Variants in TMC5 observed in about 807,000 individuals in gnomAD.
TMC5 encodes the protein transmembrane channel like 5, also known as transmembrane channel-like protein 5.
In TMC5, 86 loss-of-function variants were observed where a neutral mutation model predicts 110.5. That is an observed-to-expected ratio of 0.78 (90% CI 0.65 to 0.93). The LOEUF (loss-of-function observed/expected upper bound fraction) is 0.93. Among genes scored for constraint, TMC5 ranks in the 40% least tolerant of loss-of-function variants. The pLI, the probability that TMC5 is intolerant of heterozygous loss-of-function variation, is 0.00. For missense variants in TMC5, 1,144 were observed against 1,222.8 expected (o/e 0.94, Z 0.96); for synonymous variants, 455 against 439.5 (o/e 1.04, Z -0.44).
chr16:19,421,806 C>A (rs903195205), intron 1 of TMC5, among the ~76,000 whole-genome samples: 4 of 152,188 alleles, frequency 2.6e-5, no homozygotes, highest in African/African-American at 9.7e-5. Flanking sequence ...AAAATTTGAG[C>A]CAGGTGTGGT....
rs56178955 is a variant in TMC5, at chr16:19,495,011, C to CTTTTTTTTTTT, written c.2931+656_2931+666dup. Among the ~76,000 whole-genome samples, 7 of 40,486 alleles carry CTTTTTTTTTTT rather than the reference C, an allele frequency of 1.7e-4. 2 individuals carry two copies. Among genetic ancestry groups the CTTTTTTTTTTT allele is most frequent in the African/African-American group, 4.7e-4 (5 of 10,740 alleles). The allele number at this position is 40,486 out of a possible 152,430, so 26.6% of individuals were successfully genotyped here. On this transcript the variant is annotated intron_variant, in intron 20 of 21. Transcript: ENST00000542583. ...CACTATGAATACTTCAGTGTCTATTCTTTTTTTTTTTTTTTTTTTTTGAGA... is the reference window on the plus strand; with the variant it reads ...CACTATGAATACTTCAGTGTCTATTCTTTTTTTTTTTTTTTTTTTTTTTTTTTTTTTTGAGA...
At position 19,456,331 on chromosome 16, in the gene TMC5, TA is replaced by T. The variant is rs371295021; in HGVS notation, c.1049-3895del. ...GTTCTAGGCCAGAGGCACTAAATTA[TA>T]AAAAAAAATCTTGCCCTTTGACTAT... On this transcript the variant is annotated intron_variant, in intron 5 of 21. Transcript: ENST00000542583. 2.2e-3 allele frequency: 604 copies of T among 277,234 alleles called. 3 individuals are homozygous for T. Among genetic ancestry groups the T allele is most frequent in the African/African-American group, 0.011 (484 of 43,364 alleles). The allele number at this position is 277,234 out of a possible 1,614,324, so 17.2% of individuals were successfully genotyped here. A position where few individuals can be genotyped will look rare whatever the true frequency, so the allele number is the denominator to read the frequency against.
At chr16:19,419,714 T>G (rs1396963979) in intron 1 of TMC5, among the ~76,000 whole-genome samples, 1 of 151,738 alleles carries the variant, frequency 6.6e-6, no homozygotes, top group Non-Finnish European at 1.5e-5. Flanking sequence ...GCCGGGCCAC[T>G]AATGTTAAAA....
intron 1 of TMC5, among the ~76,000 whole-genome samples, chr16:19,420,591 G>T (rs1966962266): frequency 6.6e-6 from 1 of 152,098 alleles, no homozygotes; most frequent in African/African-American, 2.4e-5. Context: ...CTCCTGGGTA[G>T]CTGGGACTAA....
intron 13 of TMC5, among the ~76,000 whole-genome samples, chr16:19,477,872 A>G (rs1301428315): frequency 6.6e-6 from 1 of 152,204 alleles, no homozygotes; most frequent in African/African-American, 2.4e-5. Context: ...TTTTAGTGCT[A>G]GTCTGTCCTA....
intron 2 of TMC5, among the ~76,000 whole-genome samples, chr16:19,433,109 G>C (rs1467957880): frequency 1.3e-5 from 2 of 152,112 alleles, no homozygotes; most frequent in Admixed American, 6.5e-5. Flanking sequence ...AAAATGATTT[G>C]TATCAGTCAG....
At position 19,460,261 on chromosome 16, in the gene TMC5, C is replaced by T. The variant is rs747076217; in HGVS notation, c.1075C>T (p.Pro359Ser). Reference sequence around the variant, plus strand: ...ACAGAAGTTAATCGCATCCCTTATACCCATGACATCCAGAGACAGAATTAA... The same window carrying T: ...ACAGAAGTTAATCGCATCCCTTATATCCATGACATCCAGAGACAGAATTAA... The part of the protein sequence containing the change: ...QGQKLIASLI[P>S]MTSRDRIKAI... The change falls in exon 6 of 22, where the codon CCC becomes TCC. Residue 359 changes from proline to serine, a missense_variant. Transcript: ENST00000542583. 14 of 1,613,432 alleles carry T rather than the reference C, an allele frequency of 8.7e-6. No individual in the cohort carries two copies. The highest frequency in any genetic ancestry group is 1.2e-5 in the Non-Finnish European group (14 of 1,179,562).
At chr16:19,465,103 TCCTTCCTTCCTCCCTCCCTCCCTC>T (rs1968150751) in intron 8 of TMC5, among the ~76,000 whole-genome samples, 1 of 94,706 alleles carries the variant, frequency 1.1e-5, no homozygotes, top group Non-Finnish European at 1.9e-5. Flanking sequence ...CTTCCTTCCT[TCCTTCCTTCCTCCCTCCCTCCCTC>T]CCTCCCTTCC....
rs1967251236 is a variant in TMC5 at position 19,434,022 on chromosome 16, ATAAAT to A, written c.-80+3383_-80+3387del. On this transcript the variant is annotated intron_variant, in intron 2 of 21. Transcript: ENST00000542583. ...TATATATTATATATATAATATATATATAAATCTATATATTATATATATAATATATA... is the reference window on the plus strand; with the variant it reads ...TATATATTATATATATAATATATATACTATATATTATATATATAATATATA... 1.5e-3 allele frequency among the ~76,000 whole-genome samples: 10 copies of A among 6,718 alleles called. No individual in the cohort carries two copies. The Admixed American group carries it at 0.017, about 12-fold the overall frequency. The allele number at this position is 6,718 out of a possible 152,430, so 4.4% of individuals were successfully genotyped here.
intron 1 of TMC5, among the ~76,000 whole-genome samples, chr16:19,422,175 G>A (rs1966998592): frequency 1.3e-5 from 2 of 151,354 alleles, no homozygotes; most frequent in South Asian, 4.2e-4. Context: ...AGGTTGCAGT[G>A]AGCCAAGATC....
intron 10 of TMC5, among the ~76,000 whole-genome samples, chr16:19,470,588 A>G (rs1968312408): frequency 6.6e-6 from 1 of 151,914 alleles, no homozygotes; most frequent in African/African-American, 2.4e-5. Flanking sequence ...CTTGGTATCT[A>G]GTGGGTAAGA....
chr16:19,442,950 C>T (rs1307266097), intron 3 of TMC5, among the ~76,000 whole-genome samples: 3 of 152,178 alleles, frequency 2.0e-5, no homozygotes, highest in Non-Finnish European at 4.4e-5. Flanking sequence ...TGCTTTTCAT[C>T]GTCCATGGGT....
At chr16:19,475,561 T>C (rs770221987) in intron 12 of TMC5, among the ~76,000 whole-genome samples, 57 of 152,306 alleles carry the variant, frequency 3.7e-4, no homozygotes, top group Middle Eastern at 3.4e-3. Flanking sequence ...CCATCCTTCC[T>C]GCTCACTGCC....
At chr16:19,415,300 C>T (rs991678465), upstream of TMC5, among the ~76,000 whole-genome samples, 21 of 152,110 alleles carry the variant, frequency 1.4e-4, no homozygotes, top group Non-Finnish European at 2.5e-4. Flanking sequence ...CAATGGAGAG[C>T]GAGGAGACAC....
At chr16:19,484,758 C>T (rs1224414687) in intron 15 of TMC5, among the ~76,000 whole-genome samples, 1 of 147,244 alleles carries the variant, frequency 6.8e-6, no homozygotes, top group Non-Finnish European at 1.5e-5. Flanking sequence ...AACGACACTC[C>T]GTCTCAAAAA....
At chr16:19,473,294 C>T (rs377538568) in intron 11 of TMC5, among the ~76,000 whole-genome samples, 136 of 133,006 alleles carry the variant, frequency 1.0e-3, no homozygotes, top group African/African-American at 3.5e-3. Context: ...TGCAGTGAGC[C>T]GAGATCGTGC....
chr16:19,490,513 T>C lies in TMC5; in HGVS notation c.2692T>C (p.Tyr898His). Residue 898 changes from tyrosine to histidine, a missense_variant, in exon 18 of 22, where the codon TAT becomes CAT. Transcript: ENST00000542583. ...RPGYLWVVWI[Y>H]RNLIGSVHFF... ...TGGCTACCTGTGGGTTGTTTGGATC[T>C]ATCGGAACCTCATTGGAAGTGTGCA... 6.2e-7 allele frequency: 1 copy of C among 1,614,146 alleles called. No homozygotes were observed. Among genetic ancestry groups the C allele is most frequent in the South Asian group, 1.1e-5 (1 of 91,086 alleles).
intron 10 of TMC5, among the ~76,000 whole-genome samples, chr16:19,471,291 A>G (rs1278012607): frequency 1.3e-5 from 2 of 152,050 alleles, no homozygotes; most frequent in African/African-American, 2.4e-5. Flanking sequence ...GAATCTCACT[A>G]TGTTGCCCAG....
upstream of TMC5, among the ~76,000 whole-genome samples, chr16:19,416,134 A>G (rs1966875779): frequency 6.6e-6 from 1 of 151,816 alleles, no homozygotes; most frequent in African/African-American, 2.4e-5. Context: ...GCAGTGAGCT[A>G]TGATTGCACC....
Sources: gnomAD v4.1 joint callset for allele counts (sites outside exome capture counted in the v4.1 genomes callset) on GRCh38, gnomAD v4.1.1 for gene constraint, MANE v1.5 for transcripts, NCBI Gene and HGNC (gene_info 2026-07-23, HGNC 2026-07-21) for gene names.